The following PPIP5K2 variants were observed in gnomAD, a reference collection of about 807,000 sequenced individuals.
PPIP5K2 encodes the protein inositol hexakisphosphate and diphosphoinositol-pentakisphosphate kinase 2.
In PPIP5K2, 105 loss-of-function variants were observed where a neutral mutation model predicts 154.6. The observed-to-expected ratio is 0.68, with a 90% CI of 0.58 to 0.80. The LOEUF (loss-of-function observed/expected upper bound fraction) is 0.80, where lower values mean the gene tolerates loss of function less well. Ranked by LOEUF, PPIP5K2 falls within the 30% of genes least tolerant of loss-of-function variation. The pLI is 0.00. For missense variants in PPIP5K2, 992 were observed against 1,504.6 expected, an observed-to-expected ratio of 0.66 and a Z score of 5.64; for synonymous variants, 480 against 490.3, an observed-to-expected ratio of 0.98 and a Z score of 0.28.
chr5:103,133,470 T>C lies in PPIP5K2; in HGVS notation c.132T>C (p.Ile44=), dbSNP rs143529583. The part of the protein sequence containing the change: ...EEDDSPPERQ[I]VVGICSMAKK... ...TGTTTTAGCCACCAGAAAGGCAGATTGTGGTTGGAATATGTTCCATGGCAA... is the reference window on the plus strand; with the variant it reads ...TGTTTTAGCCACCAGAAAGGCAGATCGTGGTTGGAATATGTTCCATGGCAA... Residue 44 remains isoleucine (I), a synonymous_variant, in exon 3 of 31, where the codon ATT becomes ATC. Coordinates refer to ENST00000358359, the MANE Select transcript of PPIP5K2 (RefSeq NM_001276277.3). 6.2e-7 allele frequency: 1 copy of C among 1,604,590 alleles called. No individual in the cohort carries two copies. Among genetic ancestry groups the C allele is most frequent in the African/African-American group, 1.3e-5 (1 of 74,392 alleles).
chr5:103,163,086 GTT>G (rs35922283), intron 17 of PPIP5K2, among the ~76,000 whole-genome samples: 1,127 of 59,858 alleles, frequency 0.019, 4 homozygotes, highest in African/African-American at 0.066. Flanking sequence ...TTCTTCAAGT[GTT>G]TTTTTTTTTT....
chr5:103,127,854 G>A (rs749463327), intron 1 of PPIP5K2, among the ~76,000 whole-genome samples: 7 of 151,892 alleles, frequency 4.6e-5, no homozygotes, highest in Non-Finnish European at 1.0e-4. Context: ...GAAACCAAGA[G>A]ATATTTGCCA....
rs782795912 is a variant in PPIP5K2 at position 103,158,249 on chromosome 5, T to G, written c.1551T>G (p.Pro517=). 3 of 1,614,098 alleles carry G rather than the reference T, an allele frequency of 1.9e-6. No individual in the cohort carries two copies. The highest frequency in any genetic ancestry group is 1.7e-6 in the Non-Finnish European group (2 of 1,179,968). ...LVLKWGGELT[P]AGRVQAEELG... Reference sequence around the variant, plus strand: ...TAAAATGGGGAGGTGAATTAACTCCTGCAGGCAGGGTCCAGGCTGAAGAAC... The same window carrying G: ...TAAAATGGGGAGGTGAATTAACTCCGGCAGGCAGGGTCCAGGCTGAAGAAC... Residue 517 remains proline (P), a synonymous_variant, in exon 15 of 31, where the codon CCT becomes CCG. Transcript: ENST00000358359.
At position 103,205,142 on chromosome 5, in the gene PPIP5K2, A is replaced by G. The variant is rs1251014435; in HGVS notation, c.*3508A>G. 6.6e-6 allele frequency: 1 copy of G among 152,376 alleles called. No homozygotes were observed. The highest frequency in any genetic ancestry group is 1.5e-5 in the Non-Finnish European group (1 of 68,298). The allele number at this position is 152,376 out of a possible 1,614,324, so 9.4% of individuals were successfully genotyped here. A position where few individuals can be genotyped will look rare whatever the true frequency, so the allele number is the denominator to read the frequency against. On this transcript the variant is annotated 3_prime_UTR_variant, in exon 31 of 31. Transcript: ENST00000358359. Reference sequence around the variant, plus strand: ...CTGTCCTTGTGATAGTTTGCTGAGAATGATGGTTTCCAGCTTCATCCATGT... The same window carrying G: ...CTGTCCTTGTGATAGTTTGCTGAGAGTGATGGTTTCCAGCTTCATCCATGT...
At chr5:103,176,271 A>G (rs1220342240) in intron 21 of PPIP5K2, among the ~76,000 whole-genome samples, 9 of 152,054 alleles carry the variant, frequency 5.9e-5, no homozygotes, top group Non-Finnish European at 1.5e-5. Context: ...TAGATATTAA[A>G]TGGTGTTCTT....
intron 18 of PPIP5K2, among the ~76,000 whole-genome samples, chr5:103,167,631 C>A (rs1259931785): frequency 6.6e-6 from 1 of 151,738 alleles, no homozygotes; most frequent in Non-Finnish European, 1.5e-5. Flanking sequence ...AGGCTCTGGC[C>A]CCAAAGCTTA....
chr5:103,126,958 T>C (rs2149443247), intron 1 of PPIP5K2, among the ~76,000 whole-genome samples: 1 of 152,258 alleles, frequency 6.6e-6, no homozygotes, highest in South Asian at 2.1e-4. Context: ...CATCACAGAA[T>C]AGTAGGAAAC....
chr5:103,172,097 T>C (rs1433754582), intron 19 of PPIP5K2, among the ~76,000 whole-genome samples: 1 of 151,658 alleles, frequency 6.6e-6, no homozygotes, highest in East Asian at 1.9e-4. Flanking sequence ...AAATCCCTGT[T>C]TCCTCACATC....
rs781957771 is a variant in PPIP5K2 at position 103,190,974 on chromosome 5, C to T, written c.3485C>T (p.Ala1162Val). 1.2e-6 allele frequency: 2 copies of T among 1,603,096 alleles called. No homozygotes were observed. Among genetic ancestry groups the T allele is most frequent in the South Asian group, 2.3e-5 (2 of 88,788 alleles). Reference protein sequence around the residue: ...SPSSDVPRKTAEISSTALRSS... With the variant: ...SPSSDVPRKTVEISSTALRSS... Reference sequence around the variant, plus strand: ...TCATCTGACGTTCCACGGAAGACCGCTGAAATTTGTAGGAAATTTTTCTTT... The same window carrying T: ...TCATCTGACGTTCCACGGAAGACCGTTGAAATTTGTAGGAAATTTTTCTTT... The change falls in exon 29 of 31, where the codon GCT becomes GTT. Residue 1162 changes from alanine (A) to valine (V), a missense_variant. Ala to Val is a moderately conservative substitution (Grantham distance 64). Around this residue, in one of 9 missense-constraint regions of PPIP5K2, gnomAD observed 131 missense variants for 117.8 expected, o/e 1.11. Coordinates refer to ENST00000358359, the MANE Select transcript of PPIP5K2 (RefSeq NM_001276277.3).
At chr5:103,187,822 T>A (rs978520376) in intron 28 of PPIP5K2, among the ~76,000 whole-genome samples, 2 of 152,276 alleles carry the variant, frequency 1.3e-5, no homozygotes, top group Admixed American at 6.5e-5. Context: ...CCAAATAAGA[T>A]GTGTCTTTGA....
intron 17 of PPIP5K2, among the ~76,000 whole-genome samples, chr5:103,162,708 C>T (rs1796492410): frequency 6.6e-6 from 1 of 151,984 alleles, no homozygotes; most frequent in Non-Finnish European, 1.5e-5. Context: ...TCATGATTTC[C>T]AAGTTCATTT....
intron 2 of PPIP5K2, among the ~76,000 whole-genome samples, 177 bp from the exon 3 acceptor site, chr5:103,133,274 CTG>C (rs1790937442): frequency 1.3e-5 from 2 of 152,100 alleles, no homozygotes; most frequent in African/African-American, 4.8e-5. Flanking sequence ...TTGTAGAAAA[CTG>C]TTTTTTAAAT....
intron 8 of PPIP5K2, 55 bp from the exon 9 acceptor site, chr5:103,151,198 T>G (rs782365927): frequency 8.4e-5 from 122 of 1,452,744 alleles, no homozygotes; most frequent in Non-Finnish European, 1.1e-4. Flanking sequence ...ACTAGAAAAC[T>G]GTGAATCTTA....
In PPIP5K2 at chr5:103,201,638, C is replaced by T. The variant is rs782307779; in HGVS notation, c.*4C>T. 4 of 1,568,014 alleles carry T rather than the reference C, an allele frequency of 2.6e-6. No homozygotes were observed. Among genetic ancestry groups the T allele is most frequent in the Non-Finnish European group, 3.5e-6 (4 of 1,144,872 alleles). On this transcript the variant is annotated 3_prime_UTR_variant, in exon 31 of 31. Transcript: ENST00000358359. ...AAACACTGGGAAAAAGAAATGAAAT[C>T]TTAGCAGAAGCTGGAACTTTTTATA...
chr5:103,121,737 A>G (rs1554199120), intron 1 of PPIP5K2, among the ~76,000 whole-genome samples: 1 of 152,266 alleles, frequency 6.6e-6, no homozygotes, highest in Non-Finnish European at 1.5e-5. Flanking sequence ...ACTGATTTGC[A>G]GAAAATTTTA....
chr5:103,183,512 T>A, intron 25 of PPIP5K2, 105 bp downstream of exon 25: 1 of 980,674 alleles, frequency 1.0e-6, no homozygotes. Flanking sequence ...TCAGAGTAAA[T>A]CCTTCTGTTT....
At chr5:103,179,215 CTG>C (rs1251834725) in intron 23 of PPIP5K2, among the ~76,000 whole-genome samples, 2 of 151,904 alleles carry the variant, frequency 1.3e-5, no homozygotes, top group Non-Finnish European at 2.9e-5. Flanking sequence ...TTTTTATTCT[CTG>C]TAACCCTTAA....
rs1432099367 is a variant in PPIP5K2, at chr5:103,203,703, A to G, written c.*2069A>G. 1.3e-5 allele frequency: 2 copies of G among 152,172 alleles called. No homozygotes were observed. Among genetic ancestry groups the G allele is most frequent in the Admixed American group, 6.5e-5 (1 of 15,270 alleles). The allele number at this position is 152,172 out of a possible 1,614,324, so 9.4% of individuals were successfully genotyped here. ...GCCCAGCATGAAGAATTGTCTAGTC[A>G]CCCTGAGATATTAATCTTCATAATG... On this transcript the variant is annotated 3_prime_UTR_variant, in exon 31 of 31. Coordinates refer to ENST00000358359, the MANE Select transcript of PPIP5K2 (RefSeq NM_001276277.3).
At chr5:103,131,744 A>G (rs1355119989) in intron 2 of PPIP5K2, among the ~76,000 whole-genome samples, 1 of 152,140 alleles carries the variant, frequency 6.6e-6, no homozygotes, top group Non-Finnish European at 1.5e-5. Flanking sequence ...AGATGTGACT[A>G]TAGTTTTTTT....
Sources: allele counts gnomAD v4.1 joint callset (sites outside exome capture counted in the v4.1 genomes callset), GRCh38; gene constraint gnomAD v4.1.1; regional missense constraint gnomAD v4.1.1; transcripts MANE v1.5; gene names NCBI Gene and HGNC (gene_info 2026-07-23, HGNC 2026-07-21).